The following LRRC38 variants were observed in gnomAD, a reference collection of about 807,000 sequenced individuals.
The protein encoded by LRRC38 is leucine rich repeat containing 38.
In LRRC38, 5 loss-of-function variants were observed where a neutral mutation model predicts 16.4. The observed-to-expected ratio is 0.31, with a 90% CI of 0.16 to 0.64. The LOEUF is 0.64. Among genes scored for constraint, LRRC38 ranks in the 30% least tolerant of loss-of-function variants. LRRC38 has a pLI of 0.80. For synonymous variants in LRRC38, 191 were observed against 190.2 expected (o/e 1.00, Z -0.04); for missense variants, 341 against 401.8 (o/e 0.85, Z 1.29).
In LRRC38 at chr1:13,487,433, C is replaced by T. The variant is rs1235783219; in HGVS notation, c.632-11334G>A. ...CTCAACTGGTGGGAAGTCAACTTCC[C>T]ACCTTTCGTCTTGCGATGGGTCTAC... On this transcript the variant is annotated intron_variant, in intron 1 of 1. Transcript: ENST00000376085. The surrounding 1 kb of genome is among the most constrained non-coding windows in gnomAD (Gnocchi z 4.4). Among the ~76,000 whole-genome samples, 1 of 152,194 alleles carries T rather than the reference C, an allele frequency of 6.6e-6. No homozygotes were observed. The highest frequency in any genetic ancestry group is 1.9e-4 in the East Asian group (1 of 5,200).
intron 1 of LRRC38, among the ~76,000 whole-genome samples, chr1:13,507,061 T>A (rs1361414108): frequency 6.6e-6 from 1 of 152,234 alleles, no homozygotes; most frequent in Non-Finnish European, 1.5e-5. Context: ...AGTAACTGGA[T>A]GAGTTGAACA....
At chr1:13,499,157 C>T (rs973636142) in intron 1 of LRRC38, among the ~76,000 whole-genome samples, 1 of 152,152 alleles carries the variant, frequency 6.6e-6, no homozygotes, top group Admixed American at 6.6e-5. Flanking sequence ...AGTACAGTGG[C>T]ATGATCTCGG....
intron 1 of LRRC38, among the ~76,000 whole-genome samples, chr1:13,496,827 G>T (rs1639085771): frequency 2.0e-5 from 3 of 152,182 alleles, no homozygotes; most frequent in Non-Finnish European, 4.4e-5. Flanking sequence ...GGACGAAGAG[G>T]AGCAGGGGGA....
chr1:13,481,788 C>CCTCT (rs1198744392), intron 1 of LRRC38, among the ~76,000 whole-genome samples: 1,050 of 34,340 alleles, frequency 0.031, 5 homozygotes, highest in Middle Eastern at 0.061. Flanking sequence ...TCCCTCTCTC[C>CCTCT]CTCTCTCTCT....
intron 1 of LRRC38, among the ~76,000 whole-genome samples, chr1:13,482,581 GAA>G (rs79709070): frequency 7.0e-5 from 9 of 128,302 alleles, no homozygotes; most frequent in African/African-American, 8.8e-5. Context: ...CTCCATCTCG[GAA>G]AAAAAAAAAA....
At chr1:13,490,731 G>A (rs1304691404) in intron 1 of LRRC38, among the ~76,000 whole-genome samples, 2 of 152,280 alleles carry the variant, frequency 1.3e-5, no homozygotes. Context: ...GGAAATCTAG[G>A]AATGGTCCAT....
At chr1:13,493,825 G>T (rs1158365785) in intron 1 of LRRC38, among the ~76,000 whole-genome samples, 1 of 152,210 alleles carries the variant, frequency 6.6e-6, no homozygotes, top group African/African-American at 2.4e-5. Flanking sequence ...AGCACTTTGG[G>T]AGGCTGAGGT....
At chr1:13,511,690 G>A (rs139290984) in intron 1 of LRRC38, among the ~76,000 whole-genome samples, 144 of 152,212 alleles carry the variant, frequency 9.5e-4, no homozygotes, top group African/African-American at 3.4e-3. Context: ...CTCCAGGACC[G>A]AGTCTACTGG....
At chr1:13,484,011 T>G (rs1638902168) in intron 1 of LRRC38, among the ~76,000 whole-genome samples, 1 of 151,992 alleles carries the variant, frequency 6.6e-6, no homozygotes, top group Admixed American at 6.6e-5. Flanking sequence ...TTATTACAAC[T>G]ACTTCTAGTC....
chr1:13,502,624 A>G (rs1639164090), intron 1 of LRRC38, among the ~76,000 whole-genome samples: 2 of 152,232 alleles, frequency 1.3e-5, no homozygotes, highest in Admixed American at 1.3e-4. Flanking sequence ...GGAATGGTCT[A>G]TAAACCACTG....
chr1:13,513,006 G>A lies in LRRC38; in HGVS notation c.588C>T (p.His196=). 2 of 1,548,282 alleles carry A rather than the reference G, an allele frequency of 1.3e-6. No homozygotes were observed. Among genetic ancestry groups the A allele is most frequent in the Non-Finnish European group, 8.7e-7 (1 of 1,146,156 alleles). ...CGTTCTCCTGGATCCAGGAGAAGAG[G>A]TGGGCGAAGTCACAGTCGCACAGCC... is the stretch of plus-strand genomic sequence containing the variant. ...NPWLCDCDFA[H]LFSWIQENAS... Residue 196 remains histidine, a synonymous_variant, in exon 1 of 2, where the codon CAC becomes CAT. Coordinates refer to ENST00000376085, the MANE Select transcript of LRRC38 (RefSeq NM_001010847.2).
intron 1 of LRRC38, among the ~76,000 whole-genome samples, chr1:13,482,581 GA>G (rs79709070): frequency 9.6e-4 from 123 of 128,284 alleles, no homozygotes; most frequent in East Asian, 1.8e-3. Flanking sequence ...CTCCATCTCG[GA>G]AAAAAAAAAA....
chr1:13,497,017 C>T (rs2100510669), intron 1 of LRRC38, among the ~76,000 whole-genome samples: 1 of 152,190 alleles, frequency 6.6e-6, no homozygotes, highest in African/African-American at 2.4e-5. Flanking sequence ...AAGAAGGTAC[C>T]TGATGAACTC....
At chr1:13,512,838 G>T in intron 1 of LRRC38, 125 bp downstream of exon 1, 1 of 1,049,718 alleles carries the variant, frequency 9.5e-7, no homozygotes. Context: ...CCCAGGAAAA[G>T]TTCAGGATCC....
chr1:13,511,096 G>C (rs563836725), intron 1 of LRRC38, among the ~76,000 whole-genome samples: 1 of 152,226 alleles, frequency 6.6e-6, no homozygotes, highest in Admixed American at 6.5e-5. Flanking sequence ...ATGGCTCCTT[G>C]CTCTGAACCT....
intron 1 of LRRC38, among the ~76,000 whole-genome samples, chr1:13,501,667 C>T (rs1639151572): frequency 7.0e-6 from 1 of 142,974 alleles, no homozygotes; most frequent in South Asian, 2.1e-4. Context: ...GATCTTGGCT[C>T]ACTGCAACTT....
At chr1:13,507,303 G>T (rs2990675) in intron 1 of LRRC38, among the ~76,000 whole-genome samples, 1 of 151,996 alleles carries the variant, frequency 6.6e-6, no homozygotes, top group Admixed American at 6.5e-5. Context: ...ACAAGTTAAA[G>T]GTGCAGTGGA....
At chr1:13,480,096 G>A (rs1189217977) in intron 1 of LRRC38, among the ~76,000 whole-genome samples, 1 of 152,228 alleles carries the variant, frequency 6.6e-6, no homozygotes. Context: ...TGTAATCCCA[G>A]CACTTTGGGA....
At chr1:13,497,680 G>T (rs190775523) in intron 1 of LRRC38, among the ~76,000 whole-genome samples, 15 of 152,080 alleles carry the variant, frequency 9.9e-5, no homozygotes, top group Admixed American at 7.2e-4. Flanking sequence ...ATTACACGCT[G>T]AAATGACATT....
Sources: allele counts gnomAD v4.1 joint callset (sites outside exome capture counted in the v4.1 genomes callset), GRCh38; gene constraint gnomAD v4.1.1; non-coding constraint Gnocchi (gnomAD v3.1); transcripts MANE v1.5; gene names NCBI Gene and HGNC (gene_info 2026-07-23, HGNC 2026-07-21).